The following CPLX4 variants were observed in gnomAD, a reference collection of about 807,000 sequenced individuals.
The protein encoded by CPLX4 is complexin-4.
Under a neutral mutation model 16.1 loss-of-function variants are expected in CPLX4, and 17 were observed. The observed-to-expected ratio is 1.06, with a 90% confidence interval of 0.72 to 1.59. The LOEUF is 1.59. Ranked by LOEUF, CPLX4 falls within the 40% of genes most tolerant of loss-of-function variation. CPLX4 has a pLI of 0.00. For synonymous variants in CPLX4, 55 were observed against 57.8 expected (o/e 0.95, Z 0.22); for missense variants, 193 against 192.9 (o/e 1.00, Z 0.00).
rs1257999371 is a variant in CPLX4, at chr18:59,312,227, T to G, written c.255+458A>C. ...ATTTACATAGAGAAGTTCTAGAACC[T>G]TTAGATAAGTTTACATTAAAATGTC... On this transcript the variant is annotated intron_variant, in intron 2 of 2. Coordinates refer to ENST00000299721, the MANE Select transcript of CPLX4 (RefSeq NM_181654.4). Among the ~76,000 whole-genome samples the G allele has an allele frequency of 8.5e-5, 13 of 152,274 alleles. No individual in the cohort carries two copies. In the South Asian group the frequency reaches 2.7e-3, roughly 32 times the overall value.
chr18:59,297,719 T>A (rs569308997), intron 2 of CPLX4, among the ~76,000 whole-genome samples: 1 of 152,238 alleles, frequency 6.6e-6, no homozygotes, highest in Non-Finnish European at 1.5e-5. Flanking sequence ...CCCACTCACC[T>A]GGTTGACCCC....
At chr18:59,302,262 A>T (rs1227802850) in intron 2 of CPLX4, among the ~76,000 whole-genome samples, 3 of 152,232 alleles carry the variant, frequency 2.0e-5, no homozygotes, top group Non-Finnish European at 4.4e-5. Flanking sequence ...TGGGGAGACC[A>T]GGAATATTTG....
At chr18:59,314,756 A>C (rs1346271385) in intron 1 of CPLX4, among the ~76,000 whole-genome samples, 1 of 152,192 alleles carries the variant, frequency 6.6e-6, no homozygotes, top group Non-Finnish European at 1.5e-5. Flanking sequence ...GGAACCATAC[A>C]GTTCATCTTT....
intron 2 of CPLX4, among the ~76,000 whole-genome samples, chr18:59,307,567 C>T (rs58869287): frequency 2.0e-5 from 3 of 152,278 alleles, no homozygotes; most frequent in African/African-American, 7.2e-5. Context: ...AGAGCCAGCA[C>T]TGGCAGGCCT....
At chr18:59,304,799 T>C (rs2144183529) in intron 2 of CPLX4, among the ~76,000 whole-genome samples, 1 of 152,348 alleles carries the variant, frequency 6.6e-6, no homozygotes, top group Middle Eastern at 3.4e-3. Flanking sequence ...CTCGATCTCC[T>C]GACCTCGTGA....
intron 2 of CPLX4, 116 bp from the exon 3 acceptor site, chr18:59,297,041 C>T: frequency 4.1e-6 from 6 of 1,449,676 alleles, no homozygotes; most frequent in Non-Finnish European, 5.4e-6. Flanking sequence ...GTGAGTGGCA[C>T]TCTTGGCCTT....
intron 2 of CPLX4, among the ~76,000 whole-genome samples, chr18:59,307,994 T>C (rs555636508): frequency 5.3e-5 from 8 of 151,946 alleles, no homozygotes; most frequent in Non-Finnish European, 1.2e-4. Flanking sequence ...GCCAGGCTGG[T>C]TTTGAACTCT....
At chr18:59,303,613 C>G (rs964146687) in intron 2 of CPLX4, among the ~76,000 whole-genome samples, 1 of 152,116 alleles carries the variant, frequency 6.6e-6, no homozygotes, top group Non-Finnish European at 1.5e-5. Flanking sequence ...GGCTGTGTGA[C>G]CTTGGAAAGT....
chr18:59,297,266 C>G (rs905843099), intron 2 of CPLX4, among the ~76,000 whole-genome samples: 1 of 151,310 alleles, frequency 6.6e-6, no homozygotes, highest in East Asian at 1.9e-4. Flanking sequence ...AGATGGAGCC[C>G]AGCCATCTGG....
rs187178111 is a variant in CPLX4 at position 59,317,931 on chromosome 18, G to A, written c.167+365C>T. Among the ~76,000 whole-genome samples, 14 of 151,768 alleles carry A rather than the reference G, an allele frequency of 9.2e-5. No individual in the cohort carries two copies. In the East Asian group the frequency reaches 2.7e-3, roughly 29 times the overall value. On this transcript the variant is annotated intron_variant, in intron 1 of 2. Transcript: ENST00000299721. Reference sequence around the variant, plus strand: ...CTTACAATTTGAAGACTTTCTACGTGCTAAGAGGGTGAAGTTTAGAAAGAA... The same window carrying A: ...CTTACAATTTGAAGACTTTCTACGTACTAAGAGGGTGAAGTTTAGAAAGAA...
At chr18:59,307,477 G>A (rs2070584565) in intron 2 of CPLX4, among the ~76,000 whole-genome samples, 1 of 152,146 alleles carries the variant, frequency 6.6e-6, no homozygotes, top group South Asian at 2.1e-4. Flanking sequence ...TAAGGACTTG[G>A]GAATCTGTTG....
intron 1 of CPLX4, among the ~76,000 whole-genome samples, chr18:59,314,377 C>T (rs2070638517): frequency 6.6e-6 from 1 of 152,096 alleles, no homozygotes; most frequent in Non-Finnish European, 1.5e-5. Context: ...CTATTCCTCT[C>T]TTTATCCACA....
intron 1 of CPLX4, among the ~76,000 whole-genome samples, chr18:59,313,419 G>A (rs2070631381): frequency 6.6e-6 from 1 of 152,334 alleles, no homozygotes; most frequent in South Asian, 2.1e-4. Flanking sequence ...GGGTCCTGCT[G>A]TGTGAATGAT....
At chr18:59,304,865 C>T (rs550434431) in intron 2 of CPLX4, among the ~76,000 whole-genome samples, 33 of 152,116 alleles carry the variant, frequency 2.2e-4, no homozygotes, top group Non-Finnish European at 3.4e-4. Context: ...CCACTGCGCC[C>T]GGCCGGGCAT....
At chr18:59,302,230 T>C (rs545281241) in intron 2 of CPLX4, among the ~76,000 whole-genome samples, 5 of 152,380 alleles carry the variant, frequency 3.3e-5, no homozygotes, top group East Asian at 3.9e-4. Context: ...CACGTTCTGC[T>C]GCCCATTGAC....
At chr18:59,312,415 A>G (rs1180148654) in intron 2 of CPLX4, among the ~76,000 whole-genome samples, 1 of 146,802 alleles carries the variant, frequency 6.8e-6, no homozygotes, top group Non-Finnish European at 1.5e-5. Flanking sequence ...ATATATATAT[A>G]TATATCCTGA....
chr18:59,297,745 G>A (rs953770727), intron 2 of CPLX4, among the ~76,000 whole-genome samples: 1 of 152,174 alleles, frequency 6.6e-6, no homozygotes, highest in Non-Finnish European at 1.5e-5. Context: ...AGAGGATGAG[G>A]TCTCAGTTTA....
At chr18:59,296,989 A>C (rs1445961921) in intron 2 of CPLX4, 64 bp from the exon 3 acceptor site, 4 of 1,545,402 alleles carry the variant, frequency 2.6e-6, no homozygotes, top group African/African-American at 1.4e-5. Flanking sequence ...AACTAAATAA[A>C]TTTTAAAAGC....
chr18:59,302,420 G>A (rs74484983), intron 2 of CPLX4, among the ~76,000 whole-genome samples: 56 of 152,324 alleles, frequency 3.7e-4, no homozygotes, highest in East Asian at 1.3e-3. Context: ...GAACCGTGGC[G>A]TGAATGAATG....
Sources: allele counts gnomAD v4.1 joint callset (sites outside exome capture counted in the v4.1 genomes callset), GRCh38; gene constraint gnomAD v4.1.1; transcripts MANE v1.5; gene names NCBI Gene and HGNC (gene_info 2026-07-23, HGNC 2026-07-21).